Variants in ZNF407 observed in about 807,000 individuals in gnomAD.
The protein encoded by ZNF407 is zinc finger protein 407.
ZNF407 carries 17 observed loss-of-function variants against 131.2 expected under a neutral mutation model. That is an observed-to-expected ratio of 0.13 (90% CI 0.09 to 0.19). The LOEUF (loss-of-function observed/expected upper bound fraction) is 0.19. Among genes scored for constraint, ZNF407 ranks in the 10% least tolerant of loss-of-function variants. ZNF407 has a pLI of 1.00. For missense variants in ZNF407, 2,681 were observed against 2,830.6 expected (o/e 0.95, Z 1.20); for synonymous variants, 1,156 against 1,062.0 (o/e 1.09, Z -1.72).
Position 74,722,542 on chromosome 18 carries a change from G to C in ZNF407, c.4803-58886G>C, listed in dbSNP as rs188383163. On this transcript the variant is annotated intron_variant, in intron 3 of 8. Coordinates refer to ENST00000299687, the MANE Select transcript of ZNF407 (RefSeq NM_017757.3). Reference sequence around the variant, plus strand: ...GATGTGGGGTTTTGCCCTCACCCCAGATTTCTTCCTCCCTTCCTCACCTTG... The same window carrying C: ...GATGTGGGGTTTTGCCCTCACCCCACATTTCTTCCTCCCTTCCTCACCTTG... 1.4e-4 allele frequency among the ~76,000 whole-genome samples: 21 copies of C among 152,166 alleles called. No homozygotes were observed. The East Asian group carries it at 4.1e-3, about 29-fold the overall frequency.
chr18:74,972,275 T>C (rs1972481631), intron 8 of ZNF407, among the ~76,000 whole-genome samples: 1 of 152,220 alleles, frequency 6.6e-6, no homozygotes, highest in African/African-American at 2.4e-5. Flanking sequence ...CTAATTTTAC[T>C]GTCTGAGCCA....
intron 3 of ZNF407, among the ~76,000 whole-genome samples, chr18:74,697,990 A>G (rs1403204443): frequency 1.3e-5 from 2 of 152,216 alleles, no homozygotes; most frequent in Non-Finnish European, 2.9e-5. Context: ...AAAAAATCCA[A>G]TTGTTTTTAA....
intron 3 of ZNF407, among the ~76,000 whole-genome samples, chr18:74,741,991 A>G (rs1463717644): frequency 6.6e-6 from 1 of 152,226 alleles, no homozygotes; most frequent in East Asian, 1.9e-4. Flanking sequence ...CAAGTGGGAA[A>G]GATGAAATAA....
At chr18:74,615,989 T>C (rs1452276518) in intron 1 of ZNF407, among the ~76,000 whole-genome samples, 1 of 151,962 alleles carries the variant, frequency 6.6e-6, no homozygotes, top group Non-Finnish European at 1.5e-5. Context: ...TCAGCCTCCC[T>C]AGTAGCTGGG....
At chr18:74,744,798 T>TGCTAATGTAATACATC (rs71170313) in intron 3 of ZNF407, among the ~76,000 whole-genome samples, 1 of 151,954 alleles carries the variant, frequency 6.6e-6, no homozygotes, top group Non-Finnish European at 1.5e-5. Context: ...TGTAATACAT[T>TGCTAATGTAATACATC]ACTAATGTAC....
intron 8 of ZNF407, among the ~76,000 whole-genome samples, chr18:74,965,004 T>C (rs774381988): frequency 3.3e-5 from 5 of 152,210 alleles, no homozygotes; most frequent in Non-Finnish European, 5.9e-5. Flanking sequence ...GGGTCTTAGA[T>C]ATAGTGTACG....
chr18:74,703,540 A>G lies in ZNF407; in HGVS notation c.4802+62418A>G, dbSNP rs1343093857. 6.6e-6 allele frequency among the ~76,000 whole-genome samples: 1 copy of G among 152,010 alleles called. No individual in the cohort carries two copies. The highest frequency in any genetic ancestry group is 6.6e-5 in the Admixed American group (1 of 15,256). On this transcript the variant is annotated intron_variant, in intron 3 of 8. Transcript: ENST00000299687. The surrounding 1 kb of genome is among the most constrained non-coding windows in gnomAD (Gnocchi z 4.1). ...CACCACCACACCCAGCTAATTTTGT[A>G]TTTTTAGTAGAGATGGGGTTTCTCC...
At chr18:74,796,071 A>G (rs1422892693) in intron 4 of ZNF407, among the ~76,000 whole-genome samples, 2 of 152,232 alleles carry the variant, frequency 1.3e-5, no homozygotes, top group Non-Finnish European at 1.5e-5. Flanking sequence ...TGGCAGACTT[A>G]GTCTGTGTGC....
intron 4 of ZNF407, among the ~76,000 whole-genome samples, chr18:74,815,373 C>T (rs1970254127): frequency 6.6e-6 from 1 of 152,148 alleles, no homozygotes; most frequent in Non-Finnish European, 1.5e-5. Context: ...TCTCTGCTAC[C>T]CAAGTAGCAC....
intron 8 of ZNF407, among the ~76,000 whole-genome samples, chr18:74,993,932 A>G (rs1246053544): frequency 6.6e-6 from 1 of 152,218 alleles, no homozygotes; most frequent in Non-Finnish European, 1.5e-5. Context: ...TGTGAGAGAC[A>G]AAGACTGGTG....
At chr18:74,734,188 C>T (rs551840360) in intron 3 of ZNF407, among the ~76,000 whole-genome samples, 5 of 152,214 alleles carry the variant, frequency 3.3e-5, no homozygotes, top group African/African-American at 1.2e-4. Context: ...CCAGTAAATC[C>T]TCAATGTCAC....
At chr18:74,829,645 A>C (rs1266365098) in intron 4 of ZNF407, among the ~76,000 whole-genome samples, 1 of 152,172 alleles carries the variant, frequency 6.6e-6, no homozygotes, top group Non-Finnish European at 1.5e-5. Flanking sequence ...TTAAAGAATG[A>C]GGCTTGCTAC....
In ZNF407 at chr18:74,631,776, T is replaced by C. The variant is rs760824473; in HGVS notation, c.757T>C (p.Cys253Arg). ...TTCCTGTGATCTTTGTGGTTTTCAG[T>C]GTTCAGAAGAAAACTTGTTGAATGC... Reference protein sequence around the residue: ...VFSCDLCGFQCSEENLLNAHY... With the variant: ...VFSCDLCGFQRSEENLLNAHY... The change falls in exon 2 of 9, where the codon TGT (cysteine) becomes CGT (arginine). Residue 253 changes from cysteine to arginine, a missense_variant. Physicochemically the swap from Cys to Arg is radical, Grantham distance 180 (BLOSUM62 -3). Coordinates refer to ENST00000299687, the MANE Select transcript of ZNF407 (RefSeq NM_017757.3). 1 of 1,614,052 alleles carries C rather than the reference T, an allele frequency of 6.2e-7. No homozygotes were observed. The highest frequency in any genetic ancestry group is 2.2e-5 in the East Asian group (1 of 44,892).
At chr18:74,804,359 A>G (rs1970075965) in intron 4 of ZNF407, 4 of 1,044,508 alleles carry the variant, frequency 3.8e-6, no homozygotes, top group Non-Finnish European at 4.6e-6. Context: ...TGTCCAATCA[A>G]AGTTTTTGTA....
chr18:74,953,954 A>G (rs1274868287), intron 8 of ZNF407, among the ~76,000 whole-genome samples: 1 of 152,230 alleles, frequency 6.6e-6, no homozygotes, highest in Non-Finnish European at 1.5e-5. Flanking sequence ...CAAAGTAAGG[A>G]GAAAAAGGGA....
chr18:74,773,110 A>C (rs934938446), intron 3 of ZNF407, among the ~76,000 whole-genome samples: 1 of 152,196 alleles, frequency 6.6e-6, no homozygotes, highest in Admixed American at 6.5e-5. Context: ...TTTTAGTGTC[A>C]TCCACAAGGA....
At chr18:74,864,803 C>T (rs1234563402) in intron 4 of ZNF407, among the ~76,000 whole-genome samples, 4 of 152,060 alleles carry the variant, frequency 2.6e-5, no homozygotes, top group African/African-American at 7.2e-5. Flanking sequence ...AGGATGCTTG[C>T]GTAATGTAGA....
chr18:74,640,860 C>A, intron 2 of ZNF407, 148 bp from the exon 3 acceptor site: 1 of 612,024 alleles, frequency 1.6e-6, no homozygotes, highest in East Asian at 2.8e-5. Flanking sequence ...CAGGTCTATT[C>A]AAGTTATAAA....
At chr18:74,864,525 C>CT in intron 4 of ZNF407, among the ~76,000 whole-genome samples, 1 of 152,266 alleles carries the variant, frequency 6.6e-6, no homozygotes. Flanking sequence ...TATCAGAACA[C>CT]TTCTCTTCAC....
Sources: gnomAD v4.1 joint callset for allele counts (sites outside exome capture counted in the v4.1 genomes callset) on GRCh38, gnomAD v4.1.1 for gene constraint, Gnocchi (gnomAD v3.1) non-coding constraint, MANE v1.5 for transcripts, NCBI Gene and HGNC (gene_info 2026-07-23, HGNC 2026-07-21) for gene names.